The following MYT1L variants were observed in gnomAD, a reference collection of about 807,000 sequenced individuals.
The protein encoded by MYT1L is myelin transcription factor 1-like protein.
Under a neutral mutation model 126.7 loss-of-function variants are expected in MYT1L, and 12 were observed. That is an observed-to-expected ratio of 0.09 (90% CI 0.06 to 0.15). The LOEUF is 0.15. Ranked by LOEUF, MYT1L falls within the 10% of genes least tolerant of loss-of-function variation. The probability of loss-of-function intolerance (pLI) is 1.00; values close to 1 mark genes in which losing one functional copy is unlikely to be tolerated. For synonymous variants in MYT1L, 541 were observed against 604.2 expected (o/e 0.90, Z 1.53); for missense variants, 979 against 1,585.2 (o/e 0.62, Z 6.49).
intron 18 of MYT1L, among the ~76,000 whole-genome samples, chr2:1,869,002 A>G (rs2045941808): frequency 6.6e-6 from 1 of 152,218 alleles, no homozygotes; most frequent in Non-Finnish European, 1.5e-5. Flanking sequence ...AACCTTTGGA[A>G]CACACACCAG....
chr2:2,299,593 T>A (rs2149517860), intron 1 of MYT1L, among the ~76,000 whole-genome samples: 1 of 152,352 alleles, frequency 6.6e-6, no homozygotes, highest in African/African-American at 2.4e-5. Context: ...ACAGCCTTTC[T>A]CAGTGCTTAC....
At chr2:1,971,251 C>T (rs111397689) in intron 8 of MYT1L, among the ~76,000 whole-genome samples, 5 of 152,132 alleles carry the variant, frequency 3.3e-5, no homozygotes, top group African/African-American at 9.7e-5. Context: ...TTAAATCCAC[C>T]GAATTAATCA....
Position 2,244,218 on chromosome 2 carries a change from G to A in MYT1L, c.-421+40186C>T, listed in dbSNP as rs544739141. ...GCTGACCGGTCTTTGTTGCTCCCAG[G>A]TCTTTGTTGCTCCCTATTCTTTGTT... is the stretch of plus-strand genomic sequence containing the variant. On this transcript the variant is annotated intron_variant, in intron 2 of 24. Coordinates refer to ENST00000647738, the MANE Select transcript of MYT1L (RefSeq NM_001303052.2). Among the ~76,000 whole-genome samples the A allele has an allele frequency of 3.9e-4, 59 of 152,152 alleles. 1 individual carries two copies. Among genetic ancestry groups the A allele is most frequent in the Non-Finnish European group, 2.4e-4 (16 of 68,032 alleles).
At chr2:2,073,775 T>C (rs1558927574) in intron 3 of MYT1L, among the ~76,000 whole-genome samples, 1 of 152,172 alleles carries the variant, frequency 6.6e-6, no homozygotes, top group Non-Finnish European at 1.5e-5. Context: ...TGGAGCGTTC[T>C]TTCTCCCTCC....
At chr2:2,279,047 C>T (rs1181723379) in intron 2 of MYT1L, among the ~76,000 whole-genome samples, 1 of 152,130 alleles carries the variant, frequency 6.6e-6, no homozygotes, top group Non-Finnish European at 1.5e-5. Flanking sequence ...CCTGGGAGGC[C>T]CTGGACCATC....
chr2:2,066,501 T>C (rs1330644871), intron 3 of MYT1L, among the ~76,000 whole-genome samples: 2 of 152,176 alleles, frequency 1.3e-5, no homozygotes, highest in African/African-American at 2.4e-5. Context: ...TGTACATTTG[T>C]TGTGAATTTA....
At chr2:1,965,442 G>A (rs1378187971) in intron 8 of MYT1L, among the ~76,000 whole-genome samples, 1 of 150,306 alleles carries the variant, frequency 6.7e-6, no homozygotes, top group African/African-American at 2.5e-5. Context: ...AGGCAGGGAA[G>A]AGGAGGACTC....
chr2:2,304,807 T>C (rs962070256), intron 1 of MYT1L, among the ~76,000 whole-genome samples: 1 of 152,188 alleles, frequency 6.6e-6, no homozygotes, highest in Non-Finnish European at 1.5e-5. Flanking sequence ...TTTATATGGG[T>C]ACCCTCTAGT....
intron 4 of MYT1L, among the ~76,000 whole-genome samples, chr2:2,047,828 A>G (rs1485903811): frequency 6.6e-6 from 1 of 152,226 alleles, no homozygotes; most frequent in African/African-American, 2.4e-5. Flanking sequence ...ACTCAAGGAA[A>G]TAATGTAAAC....
rs1334031895 is a variant in MYT1L at position 1,809,248 on chromosome 2, A to G, written c.3081-81T>C. On this transcript the variant is annotated intron_variant, in intron 21 of 24. Coordinates refer to ENST00000647738, the MANE Select transcript of MYT1L (RefSeq NM_001303052.2). ...AGGGAAGTGGTGGTAAGCAAGGCGT[A>G]GAATAGCATTATTAGGTTGGTTGCC... 5.3e-6 allele frequency: 7 copies of G among 1,332,002 alleles called. No individual in the cohort carries two copies. The African/African-American group carries it at 1.0e-4, about 19-fold the overall frequency. 82.5% of individuals were successfully genotyped at this position (1,332,002 alleles called of 1,614,324 possible). A position where few individuals can be genotyped will look rare whatever the true frequency, so the allele number is the denominator to read the frequency against.
chr2:2,175,474 G>T (rs17247338), intron 2 of MYT1L, among the ~76,000 whole-genome samples: 12 of 152,132 alleles, frequency 7.9e-5, no homozygotes, highest in Admixed American at 2.0e-4. Context: ...AAAGCTCCGT[G>T]TGAGATTGGT....
intron 23 of MYT1L, among the ~76,000 whole-genome samples, chr2:1,792,871 C>CAAAAAAAAA (rs55682787): frequency 0.43 from 32,842 of 75,748 alleles, 8,842 homozygotes; most frequent in South Asian, 0.65. Flanking sequence ...TTCCGTCTCA[C>CAAAAAAAAA]AAAAAAAAAA....
At chr2:2,162,309 G>C (rs2088118028) in intron 3 of MYT1L, among the ~76,000 whole-genome samples, 2 of 151,762 alleles carry the variant, frequency 1.3e-5, no homozygotes, top group East Asian at 3.9e-4. Context: ...CACGGAGAAA[G>C]GGGTCAGGTG....
intron 2 of MYT1L, among the ~76,000 whole-genome samples, chr2:2,232,337 A>G (rs1034523438): frequency 6.6e-6 from 1 of 152,234 alleles, no homozygotes; most frequent in Non-Finnish European, 1.5e-5. Context: ...AAACACAACA[A>G]GAACTCAAGT....
chr2:2,128,763 T>C (rs2082013268), intron 3 of MYT1L, among the ~76,000 whole-genome samples: 1 of 152,148 alleles, frequency 6.6e-6, no homozygotes, highest in Non-Finnish European at 1.5e-5. Flanking sequence ...TTCAACAGCA[T>C]AGGTCATATT....
chr2:2,310,439 A>G (rs955057691), intron 1 of MYT1L, among the ~76,000 whole-genome samples: 2 of 151,960 alleles, frequency 1.3e-5, no homozygotes, highest in African/African-American at 2.4e-5. Flanking sequence ...TACTTTATCT[A>G]TACTCCATCT....
chr2:1,910,236 G>A lies in MYT1L; in HGVS notation c.1817+4C>T, dbSNP rs2149016011. ...CTCACGGATGGTGCACTCCTGCTGG[G>A]TACCTGAGCACGCGGTCCGAGGCCT... On this transcript the variant is annotated splice_donor_region_variant and intron_variant, in intron 13 of 24. Coordinates refer to ENST00000647738, the MANE Select transcript of MYT1L (RefSeq NM_001303052.2). This position sits in a 1 kb window ranked among gnomAD's most constrained non-coding sequence, Gnocchi z 4.8. 1.2e-6 allele frequency: 2 copies of A among 1,612,188 alleles called. No homozygotes were observed. Among genetic ancestry groups the A allele is most frequent in the East Asian group, 2.2e-5 (1 of 44,862 alleles).
intron 5 of MYT1L, among the ~76,000 whole-genome samples, chr2:1,981,432 A>T (rs1040067764): frequency 1.3e-5 from 2 of 152,192 alleles, no homozygotes; most frequent in African/African-American, 4.8e-5. Flanking sequence ...TAGGTGTGAA[A>T]GGAAGGAAAA....
chr2:2,058,813 T>A (rs796772119), intron 3 of MYT1L, among the ~76,000 whole-genome samples: 1 of 152,206 alleles, frequency 6.6e-6, no homozygotes, highest in East Asian at 1.9e-4. Context: ...TTCTCTTACT[T>A]CAGAGATGAG....
Sources: gnomAD v4.1 joint callset for allele counts (sites outside exome capture counted in the v4.1 genomes callset) on GRCh38, gnomAD v4.1.1 for gene constraint, Gnocchi (gnomAD v3.1) non-coding constraint, MANE v1.5 for transcripts, NCBI Gene and HGNC (gene_info 2026-07-23, HGNC 2026-07-21) for gene names.